Variants in TCTN2 observed in about 807,000 individuals in gnomAD.
TCTN2 encodes tectonic-2.
Under a neutral mutation model 83.4 loss-of-function variants are expected in TCTN2, and 66 were observed. The ratio of observed to expected loss-of-function variants is 0.79; its 90% CI spans 0.65 to 0.97. The LOEUF (loss-of-function observed/expected upper bound fraction) is 0.97. Among genes scored for constraint, TCTN2 ranks in the 50% least tolerant of loss-of-function variants. The pLI, the probability that TCTN2 is intolerant of heterozygous loss-of-function variation, is 0.00. For missense variants in TCTN2, 794 were observed against 858.1 expected (o/e 0.93, Z 0.93); for synonymous variants, 301 against 326.7 (o/e 0.92, Z 0.85).
At position 123,671,234 on chromosome 12, in the gene TCTN2, C is replaced by CT; in HGVS notation, c.-6dup. On this transcript the variant is annotated 5_prime_UTR_variant, in exon 1 of 18. An upstream open reading frame in the 5' UTR gains an earlier in-frame stop. Coordinates refer to ENST00000303372, the MANE Select transcript of TCTN2 (RefSeq NM_024809.5). The stretch of plus-strand genomic sequence containing the variant: ...TTCTGCTGTGCCCGGCCCGCGAGGT[C>CT]TAAGGCATGGGCTTCCAGCCTCCGG... 6.2e-7 allele frequency: 1 copy of CT among 1,612,142 alleles called. No individual in the cohort carries two copies. Among genetic ancestry groups the CT allele is most frequent in the South Asian group, 1.1e-5 (1 of 90,824 alleles).
At chr12:123,707,480 C>T (rs1466432585) in intron 17 of TCTN2, 124 bp from the exon 18 acceptor site, 7 of 910,858 alleles carry the variant, frequency 7.7e-6, no homozygotes, top group African/African-American at 3.3e-5. Flanking sequence ...TCAAGTGATC[C>T]GCCCTCCTTG....
chr12:123,685,662 G>A lies in TCTN2; in HGVS notation c.565-1174G>A, dbSNP rs532668782. 1.5e-4 allele frequency among the ~76,000 whole-genome samples: 23 copies of A among 150,148 alleles called. No individual in the cohort carries two copies. The East Asian group carries it at 2.0e-3, about 13-fold the overall frequency. On this transcript the variant is annotated intron_variant, in intron 5 of 17. Transcript: ENST00000303372. The stretch of plus-strand genomic sequence containing the variant: ...TTGAACTCCTGACCTTAGGTGATCC[G>A]CGTGCCTCAGCCTCCCAAAGTGCTG...
chr12:123,695,385 T>G, intron 11 of TCTN2, 88 bp downstream of exon 11: 1 of 888,922 alleles, frequency 1.1e-6, no homozygotes, highest in Non-Finnish European at 1.9e-6. Context: ...AGTAACTCTC[T>G]CCAATTTAGT....
intron 1 of TCTN2, 25 bp from the exon 2 acceptor site, chr12:123,671,482 C>G: frequency 6.2e-7 from 1 of 1,611,908 alleles, no homozygotes; most frequent in South Asian, 1.1e-5. Context: ...CTAACCCCTC[C>G]TTGTCCCCTT....
intron 13 of TCTN2, among the ~76,000 whole-genome samples, chr12:123,699,013 A>T (rs79000777): frequency 0.01 from 1,572 of 152,188 alleles, 31 homozygotes; most frequent in Admixed American, 0.049. Flanking sequence ...TTCCAGCTAG[A>T]TATATAGGTT....
At chr12:123,695,152 A>G in intron 10 of TCTN2, 68 bp from the exon 11 acceptor site, 1 of 1,386,144 alleles carries the variant, frequency 7.2e-7, no homozygotes, top group East Asian at 2.3e-5. Flanking sequence ...TAAGGTAAAC[A>G]CTATGGAGAA....
intron 6 of TCTN2, among the ~76,000 whole-genome samples, chr12:123,687,606 C>T (rs1191432063): frequency 2.0e-5 from 3 of 151,946 alleles, no homozygotes; most frequent in Non-Finnish European, 2.9e-5. Context: ...GAGCTGAGAT[C>T]GCGCCACTGC....
chr12:123,678,286 T>TA (rs977826166), intron 4 of TCTN2, among the ~76,000 whole-genome samples: 5 of 152,244 alleles, frequency 3.3e-5, no homozygotes, highest in African/African-American at 1.2e-4. Flanking sequence ...CTGTAACTGT[T>TA]AAACAGCCAC....
intron 4 of TCTN2, among the ~76,000 whole-genome samples, chr12:123,676,184 G>A (rs1161083755): frequency 2.0e-5 from 3 of 152,152 alleles, no homozygotes; most frequent in South Asian, 4.1e-4. Context: ...GGAGGCTGAG[G>A]TCGGGGGATC....
At chr12:123,683,850 A>G (rs1955930440) in intron 5 of TCTN2, among the ~76,000 whole-genome samples, 1 of 152,134 alleles carries the variant, frequency 6.6e-6, no homozygotes, top group African/African-American at 2.4e-5. Flanking sequence ...CGTATTAACT[A>G]GGGTGGTCTT....
chr12:123,695,478 G>A, intron 11 of TCTN2, 181 bp downstream of exon 11: 2 of 512,414 alleles, frequency 3.9e-6, no homozygotes, highest in South Asian at 2.1e-5. Flanking sequence ...CTGGAGTGCA[G>A]TGGCGCAATC....
intron 14 of TCTN2, 43 bp from the exon 15 acceptor site, chr12:123,704,489 T>G: frequency 6.4e-7 from 1 of 1,565,478 alleles, no homozygotes; most frequent in Non-Finnish European, 8.7e-7. Flanking sequence ...GGAAAACTTA[T>G]CAAATTATTC....
At chr12:123,674,427 C>T (rs757992031) in intron 4 of TCTN2, among the ~76,000 whole-genome samples, 2 of 152,218 alleles carry the variant, frequency 1.3e-5, no homozygotes, top group Admixed American at 6.5e-5. Flanking sequence ...CACGCTACCA[C>T]GCCCAGCTAA....
In TCTN2 at chr12:123,694,923, T is replaced by A; in HGVS notation, c.1181T>A (p.Ile394Asn). Residue 394 changes from isoleucine (I) to asparagine (N), a missense_variant, in exon 10 of 18, where the codon ATC becomes AAC. Coordinates refer to ENST00000303372, the MANE Select transcript of TCTN2 (RefSeq NM_024809.5). ...ATTTTCAAATGGAATAATAATACCA[T>A]CAGTGAAATAAATGTTAAAATTTTT... Reference protein sequence around the residue: ...HYIFKWNNNTISEINVKIFRA... With the variant: ...HYIFKWNNNTNSEINVKIFRA... 6.2e-7 allele frequency: 1 copy of A among 1,613,440 alleles called. No homozygotes were observed. The highest frequency in any genetic ancestry group is 8.5e-7 in the Non-Finnish European group (1 of 1,179,422).
chr12:123,674,302 A>G (rs1955793572), intron 4 of TCTN2, among the ~76,000 whole-genome samples: 1 of 151,896 alleles, frequency 6.6e-6, no homozygotes, highest in Non-Finnish European at 1.5e-5. Context: ...GATGGAGTCT[A>G]AGTCTGTCAC....
At chr12:123,699,268 C>A (rs897284514) in intron 13 of TCTN2, among the ~76,000 whole-genome samples, 2 of 151,986 alleles carry the variant, frequency 1.3e-5, no homozygotes, top group Non-Finnish European at 2.9e-5. Context: ...GCTCCTCCCA[C>A]CTCAGCCTCC....
intron 7 of TCTN2, among the ~76,000 whole-genome samples, chr12:123,689,706 A>T (rs1220157043): frequency 6.6e-6 from 1 of 152,206 alleles, no homozygotes; most frequent in African/African-American, 2.4e-5. Context: ...AACAATGGTT[A>T]GATAAATACA....
At chr12:123,682,707 C>T (rs963044555) in intron 5 of TCTN2, among the ~76,000 whole-genome samples, 2 of 151,612 alleles carry the variant, frequency 1.3e-5, no homozygotes, top group Non-Finnish European at 2.9e-5. Flanking sequence ...GTCTCGAACT[C>T]CTGACCACAA....
At chr12:123,696,614 A>G in intron 12 of TCTN2, 119 bp downstream of exon 12, 1 of 887,408 alleles carries the variant, frequency 1.1e-6, no homozygotes, top group Non-Finnish European at 1.9e-6. Flanking sequence ...TATTTAGCAG[A>G]GAGGTACATG....
Sources: allele counts gnomAD v4.1 joint callset (sites outside exome capture counted in the v4.1 genomes callset), GRCh38; gene constraint gnomAD v4.1.1; transcripts MANE v1.5; gene names NCBI Gene and HGNC (gene_info 2026-07-23, HGNC 2026-07-21).